Variants in PRRC2C observed in about 807,000 individuals in gnomAD.
PRRC2C encodes proline rich coiled-coil 2C, also known as protein PRRC2C.
A neutral mutation model predicts 317.2 loss-of-function variants in PRRC2C; 72 were observed. The observed-to-expected ratio is 0.23, with a 90% CI of 0.19 to 0.28. The LOEUF is 0.28. PRRC2C is among the 10% of genes least tolerant of loss of function. PRRC2C has a pLI of 1.00. For synonymous variants in PRRC2C, 1,296 were observed against 1,205.9 expected (o/e 1.07, Z -1.55); for missense variants, 3,074 against 3,459.7 (o/e 0.89, Z 2.80).
chr1:171,592,110 T>TGG lies in PRRC2C; in HGVS notation c.*264_*265insGG. Reference sequence around the variant, plus strand: ...TCTTCAGTCAGAATTTATATATAAATGTATGCACCCATTTTTTTGAGTGCA... The same window carrying TGG: ...TCTTCAGTCAGAATTTATATATAAATGGGTATGCACCCATTTTTTTGAGTGCA... On this transcript the variant is annotated 3_prime_UTR_variant, in exon 35 of 35. Coordinates refer to ENST00000647382, the MANE Select transcript of PRRC2C (RefSeq NM_001387844.1). The TGG allele has an allele frequency of 2.6e-6, 1 of 383,074 alleles. No individual in the cohort carries two copies. Among genetic ancestry groups the TGG allele is most frequent in the African/African-American group, 2.0e-5 (1 of 48,910 alleles). 23.7% of individuals were successfully genotyped at this position (383,074 alleles called of 1,614,324 possible). A position where few individuals can be genotyped will look rare whatever the true frequency, so the allele number is the denominator to read the frequency against.
chr1:171,520,282 G>T (rs1395454125), intron 6 of PRRC2C, among the ~76,000 whole-genome samples: 1 of 152,136 alleles, frequency 6.6e-6, no homozygotes, highest in Non-Finnish European at 1.5e-5. Context: ...TTTCCTAAAA[G>T]AAGTTTGGGA....
At chr1:171,555,612 T>C (rs904369975) in intron 18 of PRRC2C, among the ~76,000 whole-genome samples, 1 of 152,214 alleles carries the variant, frequency 6.6e-6, no homozygotes, top group Non-Finnish European at 1.5e-5. Context: ...TTATTTACCT[T>C]TGGTCTTTGA....
At chr1:171,504,141 C>T (rs1264808671) in intron 1 of PRRC2C, among the ~76,000 whole-genome samples, 3 of 152,038 alleles carry the variant, frequency 2.0e-5, no homozygotes, top group Non-Finnish European at 2.9e-5. Context: ...AATCTCCTGC[C>T]GATTTTTAAA....
chr1:171,547,139 T>C (rs959212948), intron 17 of PRRC2C, among the ~76,000 whole-genome samples: 2 of 152,108 alleles, frequency 1.3e-5, no homozygotes, highest in African/African-American at 4.8e-5. Flanking sequence ...TAAAAACAGA[T>C]AAAAACTATA....
chr1:171,590,182 T>C (rs1651112247), intron 34 of PRRC2C, among the ~76,000 whole-genome samples: 1 of 152,200 alleles, frequency 6.6e-6, no homozygotes, highest in Admixed American at 6.5e-5. Context: ...CTTATTGGCC[T>C]ACCACATGAG....
Position 171,584,146 on chromosome 1 carries a change from G to A in PRRC2C, c.7600G>A (p.Gly2534Arg). The change falls in exon 29 of 35, where the codon GGA becomes AGA. Residue 2534 changes from glycine (G) to arginine (R), a missense_variant. Transcript: ENST00000647382. Reference sequence around the variant, plus strand: ...TGAACATCAACTGGGGCAGGCATCAGGACTAGGAGGTTCCCAGCTGATTGA... The same window carrying A: ...TGAACATCAACTGGGGCAGGCATCAAGACTAGGAGGTTCCCAGCTGATTGA... ...LYEHQLGQASGLGGSQLIDTH... is the reference protein window; with the variant it reads ...LYEHQLGQASRLGGSQLIDTH... 5 of 1,613,934 alleles carry A rather than the reference G, an allele frequency of 3.1e-6. No homozygotes were observed. Among genetic ancestry groups the A allele is most frequent in the Non-Finnish European group, 4.2e-6 (5 of 1,179,844 alleles).
At chr1:171,542,356 C>G in intron 16 of PRRC2C, 127 bp downstream of exon 16, 1 of 887,158 alleles carries the variant, frequency 1.1e-6, no homozygotes, top group Non-Finnish European at 1.7e-6. Flanking sequence ...TTCCCAAATG[C>G]TTTATTCTCT....
At chr1:171,501,748 G>A (rs1279182677) in intron 1 of PRRC2C, among the ~76,000 whole-genome samples, 1 of 152,210 alleles carries the variant, frequency 6.6e-6, no homozygotes, top group Non-Finnish European at 1.5e-5. Flanking sequence ...CTATAACTGT[G>A]TGGATGGGTT....
At chr1:171,505,808 C>T (rs1670069229) in intron 1 of PRRC2C, among the ~76,000 whole-genome samples, 1 of 152,134 alleles carries the variant, frequency 6.6e-6, no homozygotes, top group Admixed American at 6.6e-5. Flanking sequence ...CACTGCATAA[C>T]GATGTTTCAG....
chr1:171,590,495 C>T (rs235906), intron 34 of PRRC2C, among the ~76,000 whole-genome samples: 120,647 of 152,118 alleles, frequency 0.79, 48,007 homozygotes, highest in East Asian at 0.88. Flanking sequence ...AAGCTTACTG[C>T]TTTCAAACAG....
intron 17 of PRRC2C, 38 bp downstream of exon 17, chr1:171,545,725 AT>A (rs893187137): frequency 9.4e-7 from 1 of 1,068,524 alleles, no homozygotes; most frequent in African/African-American, 1.7e-5. Context: ...TTATTTATTT[AT>A]TTATTTATTT....
chr1:171,542,173 C>A lies in PRRC2C; in HGVS notation c.4707C>A (p.Phe1569Leu). 6.2e-7 allele frequency: 1 copy of A among 1,601,322 alleles called. No homozygotes were observed. Among genetic ancestry groups the A allele is most frequent in the Non-Finnish European group, 8.5e-7 (1 of 1,174,948 alleles). ...GTCCACCCAAATCAGGAAGGAATTT[C>A]TCAGGTCCTAGAAATGAAAGGAGAA... is the stretch of plus-strand genomic sequence containing the variant. ...NNGPPKSGRN[F>L]SGPRNERRSG... Residue 1569 changes from phenylalanine to leucine, a missense_variant, in exon 16 of 35, where the codon TTC (phenylalanine) becomes TTA (leucine). Physicochemically the swap from Phe to Leu is conservative, Grantham distance 22. Coordinates refer to ENST00000647382, the MANE Select transcript of PRRC2C (RefSeq NM_001387844.1).
chr1:171,513,666 G>T (rs1341497215), intron 3 of PRRC2C, among the ~76,000 whole-genome samples: 2 of 152,072 alleles, frequency 1.3e-5, no homozygotes, highest in African/African-American at 4.8e-5. Context: ...CAACTATTTA[G>T]ACTTCTGTAT....
rs544281332 is a variant in PRRC2C, at chr1:171,593,467, A to G, written c.*1620A>G. ...ATTAAATATGTAAGGTCTTATCTAC[A>G]TGGGTTTGATTACAGAAACTAATAA... On this transcript the variant is annotated 3_prime_UTR_variant, in exon 35 of 35. Transcript: ENST00000647382. 6.6e-6 allele frequency: 1 copy of G among 152,170 alleles called. No homozygotes were observed. Among genetic ancestry groups the G allele is most frequent in the African/African-American group, 2.4e-5 (1 of 41,532 alleles). The allele number at this position is 152,170 out of a possible 1,614,324, so 9.4% of individuals were successfully genotyped here.
At position 171,541,115 on chromosome 1, in the gene PRRC2C, A is replaced by G. The variant is rs755079975; in HGVS notation, c.3649A>G (p.Thr1217Ala). 6 of 1,613,606 alleles carry G rather than the reference A, an allele frequency of 3.7e-6. No homozygotes were observed. The South Asian group carries it at 5.5e-5, about 15-fold the overall frequency. Residue 1217 changes from threonine to alanine, a missense_variant, in exon 16 of 35, where the codon ACT becomes GCT. Thr to Ala is a moderately conservative substitution (Grantham distance 58). Coordinates refer to ENST00000647382, the MANE Select transcript of PRRC2C (RefSeq NM_001387844.1). This position sits in a 1 kb window ranked among gnomAD's most constrained non-coding sequence, Gnocchi z 4.1. ...GGRGRGGRGHTRDYPQYRDNK... is the reference protein window; with the variant it reads ...GGRGRGGRGHARDYPQYRDNK... ...GCGTGGCAGGGGTGGTAGGGGACAC[A>G]CTCGAGATTATCCTCAGTATAGAGA...
At chr1:171,545,415 TA>T in intron 16 of PRRC2C, 63 bp from the exon 17 acceptor site, 1 of 1,385,540 alleles carries the variant, frequency 7.2e-7, no homozygotes, top group Non-Finnish European at 9.9e-7. Context: ...AAACTGCCAA[TA>T]AGAGCATTTT....
At chr1:171,526,758 T>G (rs1674637012) in intron 10 of PRRC2C, among the ~76,000 whole-genome samples, 1 of 151,420 alleles carries the variant, frequency 6.6e-6, no homozygotes, top group Admixed American at 6.6e-5. Context: ...AGAAAGATGT[T>G]TAGCAATCTT....
Position 171,591,876 on chromosome 1 carries a change from AGGGGGGCGGG to A in PRRC2C, c.*30_*39del. The A allele has an allele frequency of 1.6e-6, 1 of 616,328 alleles. No homozygotes were observed. Among genetic ancestry groups the A allele is most frequent in the East Asian group, 4.8e-5 (1 of 20,926 alleles). The allele number at this position is 616,328 out of a possible 1,614,324, so 38.2% of individuals were successfully genotyped here. A position where few individuals can be genotyped will look rare whatever the true frequency, so the allele number is the denominator to read the frequency against. On this transcript the variant is annotated 3_prime_UTR_variant, in exon 35 of 35. Transcript: ENST00000647382. ...CTATGGTTTATTGCAGGGGATTGGG[AGGGGGGCGGG>A]AAAACATGGAGAATTAAGTCAGATA... is the stretch of plus-strand genomic sequence containing the variant.
rs565808775 is a variant in PRRC2C at position 171,570,402 on chromosome 1, C to G, written c.6652-918C>G. Among the ~76,000 whole-genome samples the G allele has an allele frequency of 3.1e-4, 47 of 152,228 alleles. No homozygotes were observed. The South Asian group carries it at 9.7e-3, about 32-fold the overall frequency. Reference sequence around the variant, plus strand: ...TGTTGGTTAGTATTACTCAGTAGTACAATCATCTTGTATCTTGAATGTCTT... The same window carrying G: ...TGTTGGTTAGTATTACTCAGTAGTAGAATCATCTTGTATCTTGAATGTCTT... On this transcript the variant is annotated intron_variant, in intron 23 of 34. Transcript: ENST00000647382.
Sources: allele counts gnomAD v4.1 joint callset (sites outside exome capture counted in the v4.1 genomes callset), GRCh38; gene constraint gnomAD v4.1.1; non-coding constraint Gnocchi (gnomAD v3.1); transcripts MANE v1.5; gene names NCBI Gene and HGNC (gene_info 2026-07-23, HGNC 2026-07-21).